The following GNAL variants were observed in gnomAD, a reference collection of about 807,000 sequenced individuals.
GNAL encodes guanine nucleotide-binding protein G(olf) subunit alpha.
Under a neutral mutation model 55.1 loss-of-function variants are expected in GNAL, and 18 were observed. That is an observed-to-expected ratio of 0.33 (90% CI 0.23 to 0.48). The LOEUF (loss-of-function observed/expected upper bound fraction) is 0.48. GNAL is among the 20% of genes least tolerant of loss of function. The probability of loss-of-function intolerance (pLI) is 0.99; values close to 1 mark genes in which losing one functional copy is unlikely to be tolerated. For synonymous variants in GNAL, 253 were observed against 237.0 expected (o/e 1.07, Z -0.62); for missense variants, 412 against 614.1 (o/e 0.67, Z 3.48).
rs760844032 is a variant in GNAL, at chr18:11,868,082, G to A, written c.911-461G>A. Among the ~76,000 whole-genome samples, 4 of 152,100 alleles carry A rather than the reference G, an allele frequency of 2.6e-5. No homozygotes were observed. Among genetic ancestry groups the A allele is most frequent in the East Asian group, 1.9e-4 (1 of 5,166 alleles). On this transcript the variant is annotated intron_variant, in intron 8 of 11. Coordinates refer to ENST00000334049, the MANE Select transcript of GNAL (RefSeq NM_182978.4). This position sits in a 1 kb window ranked among gnomAD's most constrained non-coding sequence, Gnocchi z 4.0. ...AGAGGTTGCAGTGAGCCAAGATTGCGCCATTGCACTCCAGCCTGGGCAACA... is the reference window on the plus strand; with the variant it reads ...AGAGGTTGCAGTGAGCCAAGATTGCACCATTGCACTCCAGCCTGGGCAACA...
intron 1 of GNAL, among the ~76,000 whole-genome samples, chr18:11,710,340 G>A (rs1171064774): frequency 6.6e-6 from 1 of 152,150 alleles, no homozygotes; most frequent in Non-Finnish European, 1.5e-5. Context: ...TGATGACGCA[G>A]TTTACATCTT....
At chr18:11,744,742 G>A (rs932015372) in intron 1 of GNAL, among the ~76,000 whole-genome samples, 1 of 152,094 alleles carries the variant, frequency 6.6e-6, no homozygotes, top group Non-Finnish European at 1.5e-5. Flanking sequence ...ACAGAGTCTC[G>A]CTCTCTCACC....
chr18:11,830,052 A>C lies in GNAL; in HGVS notation c.722+5037A>C, dbSNP rs77437895. Among the ~76,000 whole-genome samples the C allele has an allele frequency of 3.3e-3, 502 of 152,240 alleles. 1 individual carries two copies. The highest frequency in any genetic ancestry group is 0.011 in the African/African-American group (459 of 41,552). On this transcript the variant is annotated intron_variant, in intron 5 of 11. Coordinates refer to ENST00000334049, the MANE Select transcript of GNAL (RefSeq NM_182978.4). ...GTCAGTGCTCAGTCGGTGCTATCTGAAATATGTGAACTGACCAAAAAAGAG... is the reference window on the plus strand; with the variant it reads ...GTCAGTGCTCAGTCGGTGCTATCTGCAATATGTGAACTGACCAAAAAAGAG...
At chr18:11,736,027 C>T (rs1344950541) in intron 1 of GNAL, among the ~76,000 whole-genome samples, 1 of 152,184 alleles carries the variant, frequency 6.6e-6, no homozygotes, top group Admixed American at 6.5e-5. Flanking sequence ...CCGCAACTTA[C>T]TCTGGGACTT....
chr18:11,772,752 C>T (rs75843574), intron 4 of GNAL, among the ~76,000 whole-genome samples: 68 of 152,222 alleles, frequency 4.5e-4, no homozygotes, highest in Non-Finnish European at 7.4e-4. Context: ...ATGCAGGGTG[C>T]GGGTCTGCAT....
intron 5 of GNAL, among the ~76,000 whole-genome samples, chr18:11,846,414 A>AATATATAAAT (rs1347976216): frequency 1.7e-4 from 25 of 146,768 alleles, no homozygotes; most frequent in Admixed American, 5.5e-4. Flanking sequence ...TTTATATATA[A>AATATATAAAT]ATATATAAAT....
At chr18:11,704,937 T>A (rs2031669452) in intron 1 of GNAL, among the ~76,000 whole-genome samples, 1 of 152,146 alleles carries the variant, frequency 6.6e-6, no homozygotes, top group African/African-American at 2.4e-5. Context: ...ATCTTTGAGT[T>A]GATTTCCTTA....
intron 1 of GNAL, among the ~76,000 whole-genome samples, chr18:11,712,848 A>G (rs1305477933): frequency 6.6e-6 from 1 of 152,156 alleles, no homozygotes; most frequent in East Asian, 1.9e-4. Flanking sequence ...CACAGACTAC[A>G]TTCCCTGTGT....
rs138149751 is a variant in GNAL at position 11,827,142 on chromosome 18, T to C, written c.722+2127T>C. Among the ~76,000 whole-genome samples, 487 of 152,222 alleles carry C rather than the reference T, an allele frequency of 3.2e-3. 5 individuals are homozygous for C. The highest frequency in any genetic ancestry group is 0.011 in the African/African-American group (465 of 41,526). ...TGTCCAAGGACAGGATGTCCCATGC[T>C]CAGTCCGCAGGCATGTGGTGAGCGC... is the stretch of plus-strand genomic sequence containing the variant. On this transcript the variant is annotated intron_variant, in intron 5 of 11. Transcript: ENST00000334049.
intron 11 of GNAL, among the ~76,000 whole-genome samples, chr18:11,878,416 A>C (rs2036582375): frequency 6.6e-6 from 1 of 152,208 alleles, no homozygotes; most frequent in Non-Finnish European, 1.5e-5. Flanking sequence ...GTGCCACTGC[A>C]CCCCAACCTG....
intron 5 of GNAL, among the ~76,000 whole-genome samples, chr18:11,850,306 A>T (rs553425992): frequency 6.6e-6 from 1 of 152,288 alleles, no homozygotes; most frequent in East Asian, 1.9e-4. Context: ...ATGTCTTCAG[A>T]AGGTCTTGTG....
chr18:11,735,102 G>A (rs966040216), intron 1 of GNAL, among the ~76,000 whole-genome samples: 2 of 151,470 alleles, frequency 1.3e-5, no homozygotes, highest in African/African-American at 4.9e-5. Context: ...CCAGGTTATA[G>A]TGCAATGGCA....
chr18:11,817,748 C>CAA (rs1555653877), intron 4 of GNAL, among the ~76,000 whole-genome samples: 18 of 151,724 alleles, frequency 1.2e-4, no homozygotes, highest in African/African-American at 3.9e-4. Flanking sequence ...GCCACAACAC[C>CAA]GGGCTAATTT....
intron 4 of GNAL, among the ~76,000 whole-genome samples, chr18:11,788,776 A>G (rs1410941576): frequency 2.0e-5 from 3 of 150,914 alleles, no homozygotes; most frequent in African/African-American, 7.3e-5. Context: ...ACACGCCTGT[A>G]ATGCCAGCTA....
At chr18:11,837,479 A>G (rs2035522243) in intron 5 of GNAL, among the ~76,000 whole-genome samples, 1 of 152,238 alleles carries the variant, frequency 6.6e-6, no homozygotes, top group African/African-American at 2.4e-5. Flanking sequence ...ACATCTCCCA[A>G]GTAAGATAGA....
At chr18:11,847,788 T>C (rs1399149082) in intron 5 of GNAL, among the ~76,000 whole-genome samples, 9 of 152,184 alleles carry the variant, frequency 5.9e-5, no homozygotes, top group African/African-American at 2.2e-4. Context: ...ATTAGCATGG[T>C]TGTAGGACCA....
chr18:11,824,236 T>C (rs942655615), intron 4 of GNAL, among the ~76,000 whole-genome samples: 23 of 135,294 alleles, frequency 1.7e-4, no homozygotes, highest in Admixed American at 3.1e-4. Context: ...GTCCTTATAA[T>C]ATGCATGTTT....
At chr18:11,807,433 A>G (rs931213976) in intron 4 of GNAL, among the ~76,000 whole-genome samples, 10 of 152,348 alleles carry the variant, frequency 6.6e-5, no homozygotes, top group African/African-American at 2.2e-4. Context: ...TGCGAGAATC[A>G]GAATCTGGAT....
At chr18:11,783,474 G>A (rs1376864073) in intron 4 of GNAL, among the ~76,000 whole-genome samples, 1 of 152,168 alleles carries the variant, frequency 6.6e-6, no homozygotes, top group Non-Finnish European at 1.5e-5. Flanking sequence ...TATTGTGCCT[G>A]CAAAGCCAAG....
Sources: allele counts gnomAD v4.1 joint callset (sites outside exome capture counted in the v4.1 genomes callset), GRCh38; gene constraint gnomAD v4.1.1; non-coding constraint Gnocchi (gnomAD v3.1); transcripts MANE v1.5; gene names NCBI Gene and HGNC (gene_info 2026-07-23, HGNC 2026-07-21).